The following SLIT3 variants were observed in gnomAD, a reference collection of about 807,000 sequenced individuals.
The protein encoded by SLIT3 is slit homolog 3 protein.
A neutral mutation model predicts 184.0 loss-of-function variants in SLIT3; 68 were observed. The ratio of observed to expected loss-of-function variants is 0.37; its 90% CI spans 0.30 to 0.45. The LOEUF (loss-of-function observed/expected upper bound fraction) is 0.45. Among genes scored for constraint, SLIT3 ranks in the 20% least tolerant of loss-of-function variants. The pLI is 1.00. For missense variants in SLIT3, 1,707 were observed against 2,026.0 expected, an observed-to-expected ratio of 0.84 and a Z score of 3.02; for synonymous variants, 831 against 828.6, an observed-to-expected ratio of 1.00 and a Z score of -0.05.
intron 8 of SLIT3, among the ~76,000 whole-genome samples, chr5:168,816,540 C>T (rs1263574323): frequency 2.0e-5 from 3 of 151,524 alleles, no homozygotes; most frequent in Non-Finnish European, 2.9e-5. Context: ...GGTTACTCAG[C>T]CACCTCCCAT....
intron 4 of SLIT3, among the ~76,000 whole-genome samples, chr5:169,112,935 T>C (rs1014101041): frequency 1.3e-5 from 2 of 152,176 alleles, no homozygotes; most frequent in African/African-American, 4.8e-5. Context: ...TAGGGGTAGA[T>C]GCAGCTTCCT....
intron 23 of SLIT3, among the ~76,000 whole-genome samples, chr5:168,714,438 C>T (rs964233051): frequency 1.3e-5 from 2 of 152,084 alleles, no homozygotes; most frequent in African/African-American, 4.8e-5. Context: ...CAAAAATTAG[C>T]CGAGTGTGGT....
intron 4 of SLIT3, chr5:169,037,562 C>A (rs1388741356): frequency 2.0e-5 from 3 of 152,244 alleles, no homozygotes; most frequent in Non-Finnish European, 2.9e-5. Flanking sequence ...GACATGATGT[C>A]TCGTGTAATT....
chr5:168,937,295 G>A (rs186889304), intron 4 of SLIT3, among the ~76,000 whole-genome samples: 4 of 152,272 alleles, frequency 2.6e-5, no homozygotes, highest in African/African-American at 9.6e-5. Context: ...CTAAGAGAAG[G>A]TAAAACCATT....
intron 8 of SLIT3, among the ~76,000 whole-genome samples, chr5:168,807,906 A>G (rs1757029549): frequency 6.6e-6 from 1 of 152,140 alleles, no homozygotes; most frequent in Non-Finnish European, 1.5e-5. Context: ...CGCGTTCAAT[A>G]GTCCTCGTGG....
intron 8 of SLIT3, among the ~76,000 whole-genome samples, chr5:168,813,439 C>T (rs1241609056): frequency 2.0e-5 from 3 of 152,140 alleles, no homozygotes; most frequent in Non-Finnish European, 4.4e-5. Flanking sequence ...CACTTCCAGC[C>T]GTAGGGCCTT....
intron 12 of SLIT3, among the ~76,000 whole-genome samples, chr5:168,781,995 G>A (rs1039078440): frequency 4.6e-5 from 7 of 152,104 alleles, no homozygotes; most frequent in South Asian, 2.1e-4. Flanking sequence ...TAGCAGTTTC[G>A]GGTCCTGAAG....
intron 4 of SLIT3, among the ~76,000 whole-genome samples, chr5:169,171,697 T>C (rs1762826029): frequency 6.6e-6 from 1 of 152,216 alleles, no homozygotes; most frequent in Non-Finnish European, 1.5e-5. Flanking sequence ...TGTGAATACA[T>C]GAATATTCAT....
chr5:168,908,640 G>A (rs1466029340), intron 4 of SLIT3, among the ~76,000 whole-genome samples: 3 of 152,124 alleles, frequency 2.0e-5, no homozygotes, highest in African/African-American at 7.2e-5. Flanking sequence ...CCTATAATCA[G>A]GGTAACAAAC....
intron 5 of SLIT3, among the ~76,000 whole-genome samples, chr5:168,853,116 A>G (rs1425755971): frequency 6.6e-6 from 1 of 152,176 alleles, no homozygotes; most frequent in African/African-American, 2.4e-5. Context: ...CAGACCAAAG[A>G]ATCTATTATT....
chr5:168,803,431 T>C (rs1410677290), intron 9 of SLIT3, among the ~76,000 whole-genome samples: 1 of 152,270 alleles, frequency 6.6e-6, no homozygotes, highest in Non-Finnish European at 1.5e-5. Context: ...CTTGTCAATG[T>C]TGCTTTTAAA....
At chr5:169,084,358 T>G (rs182034839) in intron 4 of SLIT3, among the ~76,000 whole-genome samples, 54 of 151,486 alleles carry the variant, frequency 3.6e-4, no homozygotes, top group Admixed American at 3.1e-3. Context: ...GATCGTGATC[T>G]CAGCTCACTG....
At chr5:169,154,611 T>A (rs1762238666) in intron 4 of SLIT3, among the ~76,000 whole-genome samples, 1 of 152,264 alleles carries the variant, frequency 6.6e-6, no homozygotes, top group South Asian at 2.1e-4. Context: ...TCGAACATGT[T>A]CCTCAATCAC....
chr5:168,961,294 C>T (rs1333074186), intron 4 of SLIT3, among the ~76,000 whole-genome samples: 1 of 152,208 alleles, frequency 6.6e-6, no homozygotes, highest in Non-Finnish European at 1.5e-5. Flanking sequence ...ATTCAAAAGA[C>T]ATGTATTTTA....
At chr5:168,740,053 A>G (rs760795858) in intron 20 of SLIT3, among the ~76,000 whole-genome samples, 3 of 152,208 alleles carry the variant, frequency 2.0e-5, no homozygotes, top group South Asian at 2.1e-4. Flanking sequence ...ATCAATAGCT[A>G]TAACCCACAT....
intron 3 of SLIT3, among the ~76,000 whole-genome samples, chr5:169,239,932 C>T (rs1451253539): frequency 6.6e-6 from 1 of 152,018 alleles, no homozygotes; most frequent in Non-Finnish European, 1.5e-5. Flanking sequence ...TTCCTCTGAG[C>T]ATGGCTTTGG....
At chr5:168,759,865 G>A (rs183455923) in intron 16 of SLIT3, among the ~76,000 whole-genome samples, 3 of 152,308 alleles carry the variant, frequency 2.0e-5, no homozygotes, top group East Asian at 1.9e-4. Flanking sequence ...CTGGGGCCAG[G>A]AGACATGAAG....
At chr5:168,673,464 C>T (rs886939651) in intron 32 of SLIT3, 133 bp from the exon 33 acceptor site, 2 of 839,104 alleles carry the variant, frequency 2.4e-6, no homozygotes, top group East Asian at 5.4e-5. Flanking sequence ...TTTAAACTTA[C>T]ATAAGTTGCA....
At chr5:168,753,353 C>T (rs563238846) in intron 17 of SLIT3, among the ~76,000 whole-genome samples, 16 of 152,310 alleles carry the variant, frequency 1.1e-4, no homozygotes, top group Admixed American at 2.6e-4. Flanking sequence ...TGTATACACA[C>T]GCATATTGTG....
Sources: allele counts gnomAD v4.1 joint callset (sites outside exome capture counted in the v4.1 genomes callset), GRCh38; gene constraint gnomAD v4.1.1; transcripts MANE v1.5; gene names NCBI Gene and HGNC (gene_info 2026-07-23, HGNC 2026-07-21).